Variants in AGBL4 observed in about 807,000 individuals in gnomAD.
The protein encoded by AGBL4 is cytosolic carboxypeptidase 6.
In AGBL4, 58 loss-of-function variants were observed where a neutral mutation model predicts 66.4. That is an observed-to-expected ratio of 0.87 (90% confidence interval 0.71 to 1.09). The LOEUF (loss-of-function observed/expected upper bound fraction) is 1.09, where lower values mean the gene tolerates loss of function less well. AGBL4 is among the 50% of genes least tolerant of loss of function. AGBL4 has a pLI of 0.00. For synonymous variants in AGBL4, 234 were observed against 222.9 expected (o/e 1.05, Z -0.44); for missense variants, 579 against 631.0 (o/e 0.92, Z 0.88).
At chr1:49,781,532 C>A (rs1032386306) in intron 2 of AGBL4, among the ~76,000 whole-genome samples, 1 of 151,962 alleles carries the variant, frequency 6.6e-6, no homozygotes, top group Admixed American at 6.6e-5. Flanking sequence ...GAGAAAGGGA[C>A]AATTCAACAA....
chr1:49,326,816 A>G (rs923437790), intron 3 of AGBL4, among the ~76,000 whole-genome samples: 3 of 152,234 alleles, frequency 2.0e-5, no homozygotes, highest in Non-Finnish European at 1.5e-5. Context: ...TATTGCTCCT[A>G]TAACAAGTTA....
intron 2 of AGBL4, among the ~76,000 whole-genome samples, chr1:49,806,505 A>G (rs1557465606): frequency 6.6e-6 from 1 of 152,190 alleles, no homozygotes. Context: ...TAATTTAAAG[A>G]TGGAATTTTA....
intron 3 of AGBL4, among the ~76,000 whole-genome samples, chr1:49,325,799 C>T (rs879835932): frequency 2.0e-5 from 3 of 152,186 alleles, no homozygotes; most frequent in Non-Finnish European, 2.9e-5. Flanking sequence ...TTAGCACCAT[C>T]GTCTTGGTGC....
chr1:49,773,758 C>G (rs1644124605), intron 2 of AGBL4, among the ~76,000 whole-genome samples: 1 of 152,176 alleles, frequency 6.6e-6, no homozygotes, highest in Non-Finnish European at 1.5e-5. Context: ...GTGTGTAACC[C>G]TCTCCAACGG....
chr1:48,782,566 T>C (rs1036845218), intron 6 of AGBL4, among the ~76,000 whole-genome samples: 1 of 152,234 alleles, frequency 6.6e-6, no homozygotes, highest in South Asian at 2.1e-4. Context: ...CCTGTGATGT[T>C]TGATTAGACT....
intron 3 of AGBL4, among the ~76,000 whole-genome samples, chr1:49,511,685 T>G (rs2148784484): frequency 6.6e-6 from 1 of 151,758 alleles, no homozygotes; most frequent in African/African-American, 2.4e-5. Context: ...ATCTGCCTTC[T>G]TCTTGGGAGA....
At chr1:49,738,778 C>G (rs1389889694) in intron 2 of AGBL4, among the ~76,000 whole-genome samples, 1 of 152,144 alleles carries the variant, frequency 6.6e-6, no homozygotes, top group African/African-American at 2.4e-5. Flanking sequence ...CTCTGCTGCT[C>G]ATACCCAGGC....
intron 11 of AGBL4, among the ~76,000 whole-genome samples, chr1:48,541,893 C>T (rs1352701657): frequency 6.6e-6 from 1 of 151,982 alleles, no homozygotes; most frequent in Non-Finnish European, 1.5e-5. Flanking sequence ...GCAGAACGTG[C>T]AGGTTTGTTA....
intron 3 of AGBL4, among the ~76,000 whole-genome samples, chr1:49,687,105 A>C (rs1421254692): frequency 2.0e-5 from 3 of 152,170 alleles, no homozygotes; most frequent in African/African-American, 7.2e-5. Context: ...CTTTACCCTA[A>C]AGGTAATAGA....
intron 2 of AGBL4, among the ~76,000 whole-genome samples, chr1:49,775,588 C>G (rs1030500619): frequency 2.0e-5 from 3 of 151,898 alleles, no homozygotes; most frequent in African/African-American, 7.3e-5. Flanking sequence ...CAAGCTATAA[C>G]AATATTAACC....
At chr1:48,543,637 G>C (rs1399695736) in intron 11 of AGBL4, among the ~76,000 whole-genome samples, 2 of 152,312 alleles carry the variant, frequency 1.3e-5, no homozygotes, top group East Asian at 3.9e-4. Flanking sequence ...GGCTGGGCCA[G>C]GTCTCCTGGG....
intron 4 of AGBL4, among the ~76,000 whole-genome samples, chr1:49,180,609 C>A (rs1165660557): frequency 6.6e-6 from 1 of 152,144 alleles, no homozygotes; most frequent in Non-Finnish European, 1.5e-5. Flanking sequence ...CCTGATCAAC[C>A]ATGGCCTTGG....
intron 6 of AGBL4, among the ~76,000 whole-genome samples, chr1:48,798,326 TA>T (rs1462340802): frequency 7.2e-5 from 11 of 152,190 alleles, no homozygotes; most frequent in African/African-American, 1.9e-4. Context: ...ATGGGATTAT[TA>T]TTTTTTTTCT....
At chr1:49,097,382 T>A (rs1216193187) in intron 4 of AGBL4, among the ~76,000 whole-genome samples, 1 of 152,168 alleles carries the variant, frequency 6.6e-6, no homozygotes, top group Non-Finnish European at 1.5e-5. Context: ...TCAATCTGGG[T>A]GCTGGTTACA....
At chr1:48,568,296 T>C (rs553082019) in intron 11 of AGBL4, among the ~76,000 whole-genome samples, 49 of 152,028 alleles carry the variant, frequency 3.2e-4, no homozygotes, top group Non-Finnish European at 4.3e-4. Flanking sequence ...CACTCTTCTC[T>C]CTCTCTCTCT....
At chr1:48,950,291 T>C (rs1400969633) in intron 5 of AGBL4, among the ~76,000 whole-genome samples, 2 of 151,858 alleles carry the variant, frequency 1.3e-5, no homozygotes, top group African/African-American at 4.8e-5. Flanking sequence ...AGAAAGGGGG[T>C]GTTTCACCAT....
chr1:49,670,409 T>G (rs1025982143), intron 3 of AGBL4, among the ~76,000 whole-genome samples: 1 of 152,202 alleles, frequency 6.6e-6, no homozygotes, highest in African/African-American at 2.4e-5. Context: ...AGTGGTAAAC[T>G]TTGTAGAAAA....
At chr1:49,041,319 T>C (rs1041592068) in intron 5 of AGBL4, among the ~76,000 whole-genome samples, 1 of 152,100 alleles carries the variant, frequency 6.6e-6, no homozygotes, top group East Asian at 1.9e-4. Flanking sequence ...TCAACTTGTC[T>C]GCAAAAGTAT....
intron 11 of AGBL4, among the ~76,000 whole-genome samples, chr1:48,563,980 G>C (rs12734355): frequency 0.11 from 16,494 of 152,140 alleles, 1,379 homozygotes; most frequent in African/African-American, 0.23. Context: ...CCACATTTGT[G>C]TACCTTCTCC....
Sources: allele counts gnomAD v4.1 joint callset (sites outside exome capture counted in the v4.1 genomes callset), GRCh38; gene constraint gnomAD v4.1.1; transcripts MANE v1.5; gene names NCBI Gene and HGNC (gene_info 2026-07-23, HGNC 2026-07-21).